Variants in AOPEP observed in about 807,000 individuals in gnomAD.
AOPEP encodes the protein aminopeptidase O.
AOPEP carries 77 observed loss-of-function variants against 98.1 expected under a neutral mutation model. That is an observed-to-expected ratio of 0.78 (90% CI 0.65 to 0.95). The LOEUF is 0.95. Among genes scored for constraint, AOPEP ranks in the 40% least tolerant of loss-of-function variants. The probability of loss-of-function intolerance (pLI) is 0.00; values close to 1 mark genes in which losing one functional copy is unlikely to be tolerated. For missense variants in AOPEP, 1,024 were observed against 1,024.7 expected (o/e 1.00, Z 0.01); for synonymous variants, 346 against 365.3 (o/e 0.95, Z 0.60).
At chr9:95,086,470 A>T in intron 16 of AOPEP, 1 of 985,428 alleles carries the variant, frequency 1.0e-6, no homozygotes, top group Non-Finnish European at 1.2e-6. Flanking sequence ...GCCTGAGTAC[A>T]GCCTGCTGGT....
chr9:95,085,090 AC>A (rs914100887), intron 16 of AOPEP: 10 of 372,804 alleles, frequency 2.7e-5, no homozygotes, highest in Admixed American at 6.7e-5. Context: ...TGCCAACTAA[AC>A]GAACAACAAA....
At chr9:95,028,476 A>C (rs993326093) in intron 13 of AOPEP, among the ~76,000 whole-genome samples, 1 of 152,154 alleles carries the variant, frequency 6.6e-6, no homozygotes, top group African/African-American at 2.4e-5. Flanking sequence ...CAGGTGAAAA[A>C]CTGGTGTCTA....
chr9:95,063,086 A>G (rs73654503), intron 14 of AOPEP, among the ~76,000 whole-genome samples: 2,373 of 152,284 alleles, frequency 0.016, 66 homozygotes, highest in African/African-American at 0.054. Context: ...CCTCAGGACT[A>G]TGGGCGGGTG....
At chr9:94,741,848 T>A (rs978786352) in intron 1 of AOPEP, among the ~76,000 whole-genome samples, 3 of 152,156 alleles carry the variant, frequency 2.0e-5, no homozygotes, top group Non-Finnish European at 4.4e-5. Flanking sequence ...AACCAACATG[T>A]CACATTTTGT....
rs2058385168 is a variant in AOPEP, at chr9:94,955,428, A to G, written c.1764+149A>G. 10 of 596,194 alleles carry G rather than the reference A, an allele frequency of 1.7e-5. No individual in the cohort carries two copies. In the South Asian group the frequency reaches 2.2e-4, roughly 13 times the overall value. The allele number at this position is 596,194 out of a possible 1,614,324, so 36.9% of individuals were successfully genotyped here. ...AGATATCTGAGCGTTCAGTAATTAA[A>G]GCACTTCATGCCCAAAAAAGGAGAC... is the stretch of plus-strand genomic sequence containing the variant. On this transcript the variant is annotated intron_variant, in intron 8 of 16. Coordinates refer to ENST00000375315, the MANE Select transcript of AOPEP (RefSeq NM_001193329.3).
At chr9:94,805,946 A>G (rs1344979997) in intron 5 of AOPEP, among the ~76,000 whole-genome samples, 1 of 152,242 alleles carries the variant, frequency 6.6e-6, no homozygotes, top group Non-Finnish European at 1.5e-5. Context: ...GGAAGCAGTC[A>G]TAAATTTCTG....
intron 5 of AOPEP, chr9:94,920,337 T>G (rs890621669): frequency 2.0e-5 from 3 of 152,702 alleles, no homozygotes; most frequent in African/African-American, 7.3e-5. Context: ...AAAAAAAATG[T>G]AAACTTGCTC....
In AOPEP at chr9:94,776,325, C is replaced by T. The variant is rs983413195; in HGVS notation, c.964+3157C>T. Among the ~76,000 whole-genome samples, 10 of 151,942 alleles carry T rather than the reference C, an allele frequency of 6.6e-5. No homozygotes were observed. The East Asian group carries it at 9.7e-4, about 15-fold the overall frequency. On this transcript the variant is annotated intron_variant, in intron 3 of 16. Coordinates refer to ENST00000375315, the MANE Select transcript of AOPEP (RefSeq NM_001193329.3). ...ATTATTATTATTTGTTTTTTGGAGACGGAGTCTTGCTCTGTCACCAGGCTG... is the reference window on the plus strand; with the variant it reads ...ATTATTATTATTTGTTTTTTGGAGATGGAGTCTTGCTCTGTCACCAGGCTG...
chr9:95,005,358 C>T lies in AOPEP; in HGVS notation c.2040+138C>T, dbSNP rs1273575544. ...GCTCCGGCTCGGGCGCGGGGAGCGGCCGTGACGAAGGTCGCGGCCCCTGCG... is the reference window on the plus strand; with the variant it reads ...GCTCCGGCTCGGGCGCGGGGAGCGGTCGTGACGAAGGTCGCGGCCCCTGCG... On this transcript the variant is annotated intron_variant, in intron 12 of 16. Transcript: ENST00000375315. 7 of 758,140 alleles carry T rather than the reference C, an allele frequency of 9.2e-6. No homozygotes were observed. The Admixed American group carries it at 2.9e-4, about 32-fold the overall frequency. 47.0% of individuals were successfully genotyped at this position (758,140 alleles called of 1,614,324 possible).
In AOPEP at chr9:94,920,624, C is replaced by T. The variant is rs113317727; in HGVS notation, c.1365-3362C>T. 2.0e-4 allele frequency among the ~76,000 whole-genome samples: 30 copies of T among 152,276 alleles called. 1 individual carries two copies. In the East Asian group the frequency reaches 2.7e-3, roughly 14 times the overall value. Reference sequence around the variant, plus strand: ...AAGATCTGATGAAATTCTCCATTTCCGCTCCAAATTGAATTCCTCCCGAAG... The same window carrying T: ...AAGATCTGATGAAATTCTCCATTTCTGCTCCAAATTGAATTCCTCCCGAAG... On this transcript the variant is annotated intron_variant, in intron 5 of 16. Transcript: ENST00000375315.
chr9:95,121,858 ATTT>A, the AOPEP span, among the ~76,000 whole-genome samples: 3 of 138,088 alleles, frequency 2.2e-5, no homozygotes, highest in Non-Finnish European at 1.6e-5. Flanking sequence ...CATAAAATTC[ATTT>A]TTTTTTTTTT....
downstream of AOPEP, among the ~76,000 whole-genome samples, chr9:95,087,376 G>A (rs1023862199): frequency 1.3e-5 from 2 of 150,694 alleles, no homozygotes; most frequent in Non-Finnish European, 2.9e-5. Flanking sequence ...CCAGCTACTC[G>A]GGAGACTGAG....
At chr9:94,732,267 T>C (rs986288908) in intron 1 of AOPEP, among the ~76,000 whole-genome samples, 8 of 151,308 alleles carry the variant, frequency 5.3e-5, no homozygotes, top group African/African-American at 1.7e-4. Flanking sequence ...TTTTACCTTA[T>C]CTTTATGAGC....
intron 7 of AOPEP, among the ~76,000 whole-genome samples, chr9:94,941,931 A>C (rs527634914): frequency 9.6e-4 from 147 of 152,352 alleles, no homozygotes; most frequent in African/African-American, 3.4e-3. Flanking sequence ...CAAGCAGTTT[A>C]GAAAAGTATA....
chr9:94,875,233 C>T (rs1214227005), intron 5 of AOPEP, among the ~76,000 whole-genome samples: 1 of 149,874 alleles, frequency 6.7e-6, no homozygotes, highest in African/African-American at 2.5e-5. Flanking sequence ...TTTTCACCCA[C>T]ATGATTTTTA....
chr9:95,051,177 C>T (rs2066327106), intron 13 of AOPEP, among the ~76,000 whole-genome samples: 1 of 151,482 alleles, frequency 6.6e-6, no homozygotes, highest in African/African-American at 2.4e-5. Flanking sequence ...GCAACCTCCG[C>T]CTCCCAGGTT....
chr9:95,084,406 C>T (rs930563907), intron 16 of AOPEP, among the ~76,000 whole-genome samples: 6 of 152,224 alleles, frequency 3.9e-5, no homozygotes, highest in East Asian at 1.9e-4. Flanking sequence ...CTGAGCGTCT[C>T]GTAGCGAAAC....
chr9:95,053,024 G>A (rs915196288), intron 13 of AOPEP, among the ~76,000 whole-genome samples: 4 of 152,110 alleles, frequency 2.6e-5, no homozygotes, highest in Admixed American at 6.5e-5. Context: ...CATACCTACC[G>A]GGCCAGCTTT....
chr9:94,808,037 TTTTC>T (rs1184696142), intron 5 of AOPEP, among the ~76,000 whole-genome samples: 1 of 150,528 alleles, frequency 6.6e-6, no homozygotes, highest in Non-Finnish European at 1.5e-5. Context: ...ACCTTTTCTT[TTTTC>T]TTTCTTTTTT....
Sources: allele counts gnomAD v4.1 joint callset (sites outside exome capture counted in the v4.1 genomes callset), GRCh38; gene constraint gnomAD v4.1.1; transcripts MANE v1.5; gene names NCBI Gene and HGNC (gene_info 2026-07-23, HGNC 2026-07-21).